UBTF: variants seen among roughly 807,000 people sequenced by gnomAD.
UBTF encodes upstream binding transcription factor, also known as nucleolar transcription factor 1.
In UBTF, 8 loss-of-function variants were observed where a neutral mutation model predicts 112.3. That is an observed-to-expected ratio of 0.07 (90% CI 0.04 to 0.13). The LOEUF is 0.13. Among genes scored for constraint, UBTF ranks in the 10% least tolerant of loss-of-function variants. The pLI, the probability that UBTF is intolerant of heterozygous loss-of-function variation, is 1.00. For missense variants in UBTF, 457 were observed against 982.1 expected (o/e 0.47, Z 7.15); for synonymous variants, 417 against 373.1 (o/e 1.12, Z -1.36).
chr17:44,209,178 A>T, intron 17 of UBTF, 174 bp downstream of exon 17: 1 of 682,772 alleles, frequency 1.5e-6, no homozygotes, highest in Non-Finnish European at 2.2e-6. Context: ...AAAAATAAAA[A>T]AAAAAATAAA....
At position 44,207,344 on chromosome 17, in the gene UBTF, T is replaced by TTCG. The variant is rs762937865; in HGVS notation, c.2190_2192dup (p.Asp730dup). ...CCTCATCGTCATCCTCGTCGTCGTC[T>TTCG]TCGTCCTCGTCATCCTCTTCATTCT... On this transcript the variant is annotated inframe_insertion, in exon 21 of 21. Coordinates refer to ENST00000436088, the MANE Select transcript of UBTF (RefSeq NM_014233.4). 1.2e-6 allele frequency: 2 copies of TTCG among 1,612,546 alleles called. No homozygotes were observed. Among genetic ancestry groups the TTCG allele is most frequent in the African/African-American group, 2.7e-5 (2 of 74,886 alleles).
chr17:44,207,984 AG>A, intron 17 of UBTF, 73 bp from the exon 18 acceptor site: 1 of 1,579,764 alleles, frequency 6.3e-7, no homozygotes, highest in Non-Finnish European at 8.7e-7. Context: ...GCCCAGTGCT[AG>A]GCAGTGGGCT....
chr17:44,210,283 G>A (rs2056567541), intron 14 of UBTF, 35 bp downstream of exon 14: 2 of 1,614,250 alleles, frequency 1.2e-6, no homozygotes, highest in South Asian at 2.2e-5. Context: ...CCCGGGGCTA[G>A]AGGCTGCAGT....
chr17:44,206,989 G>C lies in UBTF; in HGVS notation c.*253C>G. 3 of 559,784 alleles carry C rather than the reference G, an allele frequency of 5.4e-6. No individual in the cohort carries two copies. The highest frequency in any genetic ancestry group is 2.5e-5 in the South Asian group (1 of 40,422). 34.7% of individuals were successfully genotyped at this position (559,784 alleles called of 1,614,324 possible). A position where few individuals can be genotyped will look rare whatever the true frequency, so the allele number is the denominator to read the frequency against. ...GGGTGGGGTGGGCCAGGCTGGTCCG[G>C]TGCTGGCTTAGTCTGATAGTTGCTG... On this transcript the variant is annotated 3_prime_UTR_variant, in exon 21 of 21. Transcript: ENST00000436088.
At chr17:44,217,769 T>G (rs1342947938) in intron 2 of UBTF, among the ~76,000 whole-genome samples, 2 of 152,104 alleles carry the variant, frequency 1.3e-5, no homozygotes, top group African/African-American at 2.4e-5. Flanking sequence ...AAAACAGCCC[T>G]TTTCTCCACC....
upstream of UBTF, among the ~76,000 whole-genome samples, chr17:44,220,062 G>A (rs1160307175): frequency 7.8e-6 from 1 of 128,542 alleles, no homozygotes; most frequent in Non-Finnish European, 1.6e-5. Context: ...GGCTGCTGCT[G>A]CTGCTGCTGC....
chr17:44,213,043 C>T (rs2056795090), intron 6 of UBTF, 104 bp from the exon 7 acceptor site: 1 of 1,561,106 alleles, frequency 6.4e-7, no homozygotes, highest in Admixed American at 1.8e-5. Context: ...AGCTGGGGCT[C>T]AGTGGGACGG....
rs779413943 is a variant in UBTF, at chr17:44,215,995, G to A, written c.235-6C>T. ...AATGTACGGAACTTCCTCACCTGGA[G>A]GAAGAGGGGTGGGAGGAAGGGGAAG... On this transcript the variant is annotated splice_polypyrimidine_tract_variant and splice_region_variant and intron_variant, in intron 3 of 20. Coordinates refer to ENST00000436088, the MANE Select transcript of UBTF (RefSeq NM_014233.4). The A allele has an allele frequency of 8.1e-6, 13 of 1,612,706 alleles. No individual in the cohort carries two copies. The African/African-American group carries it at 1.5e-4, about 18-fold the overall frequency.
chr17:44,211,300 C>T lies in UBTF; in HGVS notation c.1079G>A (p.Arg360His), dbSNP rs1309107358. 2.5e-6 allele frequency: 4 copies of T among 1,614,104 alleles called. No homozygotes were observed. Among genetic ancestry groups the T allele is most frequent in the Admixed American group, 1.7e-5 (1 of 60,016 alleles). The change falls in exon 11 of 21, where the codon CGT becomes CAT. Residue 360 changes from arginine (R) to histidine (H), a missense_variant. Arg to His is a conservative substitution (Grantham distance 29). This residue lies in a region of UBTF where 87 missense variants were observed against 286.6 expected (regional missense o/e 0.30). Transcript: ENST00000436088. The surrounding 1 kb of genome is among the most constrained non-coding windows in gnomAD (Gnocchi z 4.9). Reference sequence around the variant, plus strand: ...CGGAGGAACACTCACCTCGAGGAAACGGAGCAGCTCCACCTCGTAATCTTT... The same window carrying T: ...CGGAGGAACACTCACCTCGAGGAAATGGAGCAGCTCCACCTCGTAATCTTT... ...KKKDYEVELL[R>H]FLESLPEEEQ...
chr17:44,213,646 G>A (rs761063161), intron 5 of UBTF, among the ~76,000 whole-genome samples: 7 of 152,262 alleles, frequency 4.6e-5, no homozygotes, highest in Middle Eastern at 3.4e-3. Context: ...CAGTGGCGTC[G>A]GGTGCAGGCC....
At position 44,215,636 on chromosome 17, in the gene UBTF, T is replaced by G; in HGVS notation, c.474+18A>C. 1.2e-6 allele frequency: 2 copies of G among 1,613,078 alleles called. No individual in the cohort carries two copies. The highest frequency in any genetic ancestry group is 1.7e-6 in the Non-Finnish European group (2 of 1,179,684). ...CCCAGCCTCTCCCCTCCTCCCACCT[T>G]AACTCTCCTCCCCCCACCTTCTTCT... On this transcript the variant is annotated intron_variant, in intron 5 of 20. Coordinates refer to ENST00000436088, the MANE Select transcript of UBTF (RefSeq NM_014233.4).
chr17:44,208,410 C>G (rs1430086273), intron 17 of UBTF, among the ~76,000 whole-genome samples: 1 of 152,182 alleles, frequency 6.6e-6, no homozygotes, highest in African/African-American at 2.4e-5. Flanking sequence ...GGCCCAAACC[C>G]TAGTATTTCT....
At position 44,210,345 on chromosome 17, in the gene UBTF, A is replaced by G. The variant is rs1460773777; in HGVS notation, c.1488T>C (p.Val496=). 2 of 1,614,218 alleles carry G rather than the reference A, an allele frequency of 1.2e-6. No individual in the cohort carries two copies. Among genetic ancestry groups the G allele is most frequent in the Non-Finnish European group, 1.7e-6 (2 of 1,180,030 alleles). ...TGAAGCGGGCCAGGTAGTCGCCGAT[A>G]ACGCTCTGTTGCCAGATCTCCTCAG... is the stretch of plus-strand genomic sequence containing the variant. The part of the protein sequence containing the change: ...KRAEEIWQQS[V]IGDYLARFKN... The change falls in exon 14 of 21, where the codon GTT becomes GTC. Residue 496 remains valine, a synonymous_variant. Coordinates refer to ENST00000436088, the MANE Select transcript of UBTF (RefSeq NM_014233.4).
At position 44,207,033 on chromosome 17, in the gene UBTF, C is replaced by T; in HGVS notation, c.*209G>A. On this transcript the variant is annotated 3_prime_UTR_variant, in exon 21 of 21. Transcript: ENST00000436088. ...GTTGCTGTCCCTGGAGGAGGACCCC[C>T]AAGGGCTGATGTCTCTGAGGCTGCA... is the stretch of plus-strand genomic sequence containing the variant. 1.6e-6 allele frequency: 1 copy of T among 611,628 alleles called. No individual in the cohort carries two copies. Among genetic ancestry groups the T allele is most frequent in the South Asian group, 2.1e-5 (1 of 47,632 alleles). The allele number at this position is 611,628 out of a possible 1,614,324, so 37.9% of individuals were successfully genotyped here.
intron 13 of UBTF, 90 bp from the exon 14 acceptor site, chr17:44,210,563 C>CAG: frequency 6.9e-7 from 1 of 1,451,108 alleles, no homozygotes; most frequent in Non-Finnish European, 9.0e-7. Context: ...CGCCGGCGGG[C>CAG]AGAAGCATGG....
intron 2 of UBTF, among the ~76,000 whole-genome samples, chr17:44,217,443 G>A (rs1244500345): frequency 1.3e-5 from 2 of 152,196 alleles, no homozygotes; most frequent in South Asian, 2.1e-4. Flanking sequence ...GAACAGGTCT[G>A]GAACAGTTAT....
chr17:44,217,036 G>A (rs1348659330), intron 2 of UBTF, among the ~76,000 whole-genome samples: 1 of 152,230 alleles, frequency 6.6e-6, no homozygotes, highest in Non-Finnish European at 1.5e-5. Flanking sequence ...TGAAGGTACA[G>A]TGATTCAGGG....
At chr17:44,220,088 G>C (rs1265107517), upstream of UBTF, among the ~76,000 whole-genome samples, 25 of 139,676 alleles carry the variant, frequency 1.8e-4, no homozygotes, top group Non-Finnish European at 2.4e-4. Context: ...CCGGGGAAGG[G>C]GGGGGGGGCC....
chr17:44,220,798 T>A (rs913066358), upstream of UBTF: 1 of 151,876 alleles, frequency 6.6e-6, no homozygotes, highest in East Asian at 1.9e-4. Flanking sequence ...GGCCGAACAG[T>A]CGAGCCGCAG....
Sources: gnomAD v4.1 joint callset for allele counts (sites outside exome capture counted in the v4.1 genomes callset) on GRCh38, gnomAD v4.1.1 for gene constraint, gnomAD v4.1.1 regional missense constraint, Gnocchi (gnomAD v3.1) non-coding constraint, MANE v1.5 for transcripts, NCBI Gene and HGNC (gene_info 2026-07-23, HGNC 2026-07-21) for gene names.